Variants in FBXL17 observed in about 807,000 individuals in gnomAD.
FBXL17 encodes F-box/LRR-repeat protein 17.
In FBXL17, 22 loss-of-function variants were observed where a neutral mutation model predicts 66.2. The observed-to-expected ratio is 0.33, with a 90% CI of 0.24 to 0.47. FBXL17 has a LOEUF of 0.47. FBXL17 is among the 20% of genes least tolerant of loss of function. The pLI, the probability that FBXL17 is intolerant of heterozygous loss-of-function variation, is 1.00. For synonymous variants in FBXL17, 474 were observed against 400.5 expected, an observed-to-expected ratio of 1.18 and a Z score of -2.19; for missense variants, 878 against 948.2, an observed-to-expected ratio of 0.93 and a Z score of 0.97.
At chr5:108,231,638 G>T (rs528126292) in intron 4 of FBXL17, among the ~76,000 whole-genome samples, 4 of 152,204 alleles carry the variant, frequency 2.6e-5, no homozygotes, top group Non-Finnish European at 1.5e-5. Context: ...ACACAACAAT[G>T]ATTCCATTAA....
chr5:108,341,341 A>C (rs953474782), intron 4 of FBXL17, among the ~76,000 whole-genome samples: 1 of 152,128 alleles, frequency 6.6e-6, no homozygotes, highest in Non-Finnish European at 1.5e-5. Context: ...ATACATATTA[A>C]AATATTTTTT....
intron 6 of FBXL17, among the ~76,000 whole-genome samples, chr5:108,042,655 T>C (rs985789642): frequency 3.3e-5 from 5 of 152,214 alleles, no homozygotes; most frequent in African/African-American, 1.2e-4. Context: ...TGTTCACCCA[T>C]TCACTTATTA....
intron 8 of FBXL17, among the ~76,000 whole-genome samples, chr5:107,866,409 C>G (rs969752796): frequency 2.6e-5 from 4 of 152,118 alleles, no homozygotes; most frequent in Admixed American, 2.0e-4. Context: ...ATATTTTAAT[C>G]TATTTTGAGT....
intron 7 of FBXL17, among the ~76,000 whole-genome samples, chr5:108,008,236 G>C (rs1022192810): frequency 1.3e-5 from 2 of 152,144 alleles, no homozygotes; most frequent in Admixed American, 6.5e-5. Flanking sequence ...ATTTTGTCAG[G>C]GTCCAAGAGA....
chr5:108,188,493 A>G (rs2150034940), intron 5 of FBXL17, among the ~76,000 whole-genome samples: 1 of 152,320 alleles, frequency 6.6e-6, no homozygotes, highest in South Asian at 2.1e-4. Context: ...GATGCTCCAG[A>G]ACAGAGGCAG....
chr5:107,998,619 C>A (rs927977183), intron 7 of FBXL17, among the ~76,000 whole-genome samples: 1 of 151,722 alleles, frequency 6.6e-6, no homozygotes, highest in Admixed American at 6.6e-5. Flanking sequence ...TAAGGTGTCA[C>A]CAGAATACCA....
chr5:108,132,655 AG>A (rs1366198282), intron 6 of FBXL17, among the ~76,000 whole-genome samples: 2 of 152,228 alleles, frequency 1.3e-5, no homozygotes, highest in Non-Finnish European at 2.9e-5. Context: ...TCTGCATTTC[AG>A]TGGGCTTTCA....
At chr5:107,932,911 T>C (rs926648268) in intron 7 of FBXL17, among the ~76,000 whole-genome samples, 1 of 151,974 alleles carries the variant, frequency 6.6e-6, no homozygotes, top group Non-Finnish European at 1.5e-5. Context: ...GGATATAAAC[T>C]AGGAAATTTA....
chr5:107,880,632 A>G, intron 8 of FBXL17: 1 of 1,141,396 alleles, frequency 8.8e-7, no homozygotes, highest in Non-Finnish European at 1.1e-6. Context: ...GTGAAAAACC[A>G]ATTTGGCACT....
intron 6 of FBXL17, among the ~76,000 whole-genome samples, chr5:108,164,561 A>G (rs1752338100): frequency 6.6e-6 from 1 of 152,128 alleles, no homozygotes; most frequent in Non-Finnish European, 1.5e-5. Context: ...CCACATTCCA[A>G]CATCATTGTA....
In FBXL17 at chr5:107,891,568, T is replaced by A. The variant is rs138285653; in HGVS notation, c.1823-10389A>T. On this transcript the variant is annotated intron_variant, in intron 7 of 8. Transcript: ENST00000542267. ...TGGAGAGAAGGGGTTGAATTTTGAA[T>A]CAATTTTAAAGATAGGACCAACAGC... Among the ~76,000 whole-genome samples the A allele has an allele frequency of 6.4e-4, 97 of 152,150 alleles. 1 individual carries two copies. The East Asian group carries it at 0.01, about 16-fold the overall frequency.
chr5:108,017,931 G>A (rs1216388913), intron 7 of FBXL17, among the ~76,000 whole-genome samples: 1 of 152,056 alleles, frequency 6.6e-6, no homozygotes, highest in Non-Finnish European at 1.5e-5. Flanking sequence ...CTCTGTAACA[G>A]CCTGGCCAGG....
chr5:108,163,592 G>A (rs13173148), intron 6 of FBXL17, among the ~76,000 whole-genome samples: 71 of 152,032 alleles, frequency 4.7e-4, no homozygotes, highest in African/African-American at 1.7e-3. Flanking sequence ...TAGTAGAGAC[G>A]GGGTTTCACC....
chr5:108,293,042 C>CA (rs1335249601), intron 4 of FBXL17, among the ~76,000 whole-genome samples: 4 of 146,766 alleles, frequency 2.7e-5, no homozygotes, highest in African/African-American at 1.0e-4. Flanking sequence ...GAGCTGAGAT[C>CA]ACGCCACTGC....
intron 4 of FBXL17, chr5:108,297,774 T>C: frequency 1.4e-6 from 1 of 718,022 alleles, no homozygotes; most frequent in Non-Finnish European, 1.7e-6. Flanking sequence ...AATTAAGAAA[T>C]AATTTTAAGT....
At chr5:108,122,444 C>T (rs1469358291) in intron 6 of FBXL17, among the ~76,000 whole-genome samples, 2 of 152,002 alleles carry the variant, frequency 1.3e-5, no homozygotes, top group Non-Finnish European at 2.9e-5. Context: ...TATATTGTTA[C>T]AAAATGTAAA....
At chr5:107,884,861 T>C (rs891535208) in intron 7 of FBXL17, among the ~76,000 whole-genome samples, 1 of 152,242 alleles carries the variant, frequency 6.6e-6, no homozygotes, top group Non-Finnish European at 1.5e-5. Context: ...ATAAATGTCA[T>C]GATTTATTTG....
chr5:108,220,840 A>G (rs1011656631), intron 5 of FBXL17, among the ~76,000 whole-genome samples: 12 of 152,216 alleles, frequency 7.9e-5, no homozygotes, highest in African/African-American at 2.9e-4. Flanking sequence ...CAAGATATAC[A>G]GATTTTATAT....
At chr5:107,890,421 G>C (rs541009836) in intron 7 of FBXL17, among the ~76,000 whole-genome samples, 12 of 152,108 alleles carry the variant, frequency 7.9e-5, no homozygotes, top group African/African-American at 2.2e-4. Context: ...CTGTACTTTG[G>C]GGGGTCAAGG....
Sources: gnomAD v4.1 joint callset for allele counts (sites outside exome capture counted in the v4.1 genomes callset) on GRCh38, gnomAD v4.1.1 for gene constraint, MANE v1.5 for transcripts, NCBI Gene and HGNC (gene_info 2026-07-23, HGNC 2026-07-21) for gene names.